The following SHISA9 variants were observed in gnomAD, a reference collection of about 807,000 sequenced individuals.
The protein encoded by SHISA9 is shisa family member 9, also known as protein shisa-9.
Under a neutral mutation model 38.0 loss-of-function variants are expected in SHISA9, and 13 were observed. The observed-to-expected ratio is 0.34, with a 90% CI of 0.22 to 0.54. The LOEUF (loss-of-function observed/expected upper bound fraction) is 0.54, where lower values mean the gene tolerates loss of function less well. Among genes scored for constraint, SHISA9 ranks in the 20% least tolerant of loss-of-function variants. The pLI, the probability that SHISA9 is intolerant of heterozygous loss-of-function variation, is 0.91. For missense variants in SHISA9, 538 were observed against 575.8 expected (o/e 0.93, Z 0.67); for synonymous variants, 275 against 242.0 (o/e 1.14, Z -1.27).
At chr16:12,916,572 G>A in intron 1 of SHISA9, 116 bp from the exon 2 acceptor site, 1 of 1,232,772 alleles carries the variant, frequency 8.1e-7, no homozygotes, top group Non-Finnish European at 1.1e-6. Context: ...TAACTAGAAT[G>A]GTGGCTCCAT....
chr16:12,998,088 A>G (rs1434099766), intron 2 of SHISA9, among the ~76,000 whole-genome samples: 1 of 152,222 alleles, frequency 6.6e-6, no homozygotes, highest in Non-Finnish European at 1.5e-5. Flanking sequence ...AGTAATGCTC[A>G]GTACATATTT....
chr16:13,449,467 G>A, the SHISA9 span, among the ~76,000 whole-genome samples: 7 of 152,136 alleles, frequency 4.6e-5, no homozygotes, highest in Admixed American at 2.0e-4. Flanking sequence ...GCTATTGATT[G>A]GAAAGGAGCA....
chr16:13,261,144 G>A, the SHISA9 span, among the ~76,000 whole-genome samples: 26 of 152,100 alleles, frequency 1.7e-4, no homozygotes, highest in East Asian at 3.9e-4. Flanking sequence ...AGATTTGGGC[G>A]GGGACACAAA....
the SHISA9 span, among the ~76,000 whole-genome samples, chr16:13,286,881 G>T: frequency 6.6e-6 from 1 of 152,098 alleles, no homozygotes; most frequent in Non-Finnish European, 1.5e-5. Context: ...GAATTTTTTT[G>T]TTTTTGTCTT....
chr16:13,479,566 T>C, the SHISA9 span, among the ~76,000 whole-genome samples: 1 of 152,118 alleles, frequency 6.6e-6, no homozygotes, highest in African/African-American at 2.4e-5. Flanking sequence ...GAACCCTCCA[T>C]TTCATCATGC....
chr16:12,955,554 T>C (rs984068917), intron 2 of SHISA9, among the ~76,000 whole-genome samples: 2 of 149,558 alleles, frequency 1.3e-5, no homozygotes, highest in African/African-American at 2.5e-5. Flanking sequence ...GGTACAAAAA[T>C]AGATACACAG....
At chr16:13,274,894 A>C in the SHISA9 span, among the ~76,000 whole-genome samples, 1 of 152,160 alleles carries the variant, frequency 6.6e-6, no homozygotes, top group African/African-American at 2.4e-5. Flanking sequence ...TCCTTTCGTC[A>C]AGCACAAATT....
chr16:13,442,747 A>G, the SHISA9 span, among the ~76,000 whole-genome samples: 2 of 152,216 alleles, frequency 1.3e-5, no homozygotes, highest in South Asian at 4.1e-4. Context: ...TGAGCCCCAG[A>G]GTCTGAGACC....
At chr16:13,159,998 G>A (rs902745611) in intron 2 of SHISA9, among the ~76,000 whole-genome samples, 3 of 152,334 alleles carry the variant, frequency 2.0e-5, no homozygotes, top group South Asian at 2.1e-4. Flanking sequence ...AGAGGAAAGC[G>A]AAAATAAACA....
chr16:13,117,244 G>A (rs2074039456), intron 2 of SHISA9, among the ~76,000 whole-genome samples: 1 of 152,096 alleles, frequency 6.6e-6, no homozygotes, highest in African/African-American at 2.4e-5. Flanking sequence ...CAAACTGCTG[G>A]GATTATGGGC....
At chr16:13,392,668 G>A in the SHISA9 span, among the ~76,000 whole-genome samples, 2 of 152,150 alleles carry the variant, frequency 1.3e-5, no homozygotes, top group African/African-American at 4.8e-5. Flanking sequence ...TGCGTTAAGA[G>A]GTTAAAGAAA....
intron 2 of SHISA9, 181 bp from the exon 3 acceptor site, chr16:13,203,213 G>C: frequency 2.2e-6 from 1 of 446,764 alleles, no homozygotes; most frequent in Non-Finnish European, 3.8e-6. Flanking sequence ...GTCCTCATTT[G>C]CTCTCCAGTG....
chr16:13,118,177 G>T, intron 2 of SHISA9, among the ~76,000 whole-genome samples: 1 of 134,102 alleles, frequency 7.5e-6, no homozygotes, highest in African/African-American at 2.9e-5. Flanking sequence ...GCGAGACTTC[G>T]TCTAAAAAAA....
chr16:13,478,503 C>T, the SHISA9 span, among the ~76,000 whole-genome samples: 4 of 152,086 alleles, frequency 2.6e-5, no homozygotes, highest in East Asian at 7.7e-4. Flanking sequence ...AGTTTACCCC[C>T]TAGAAACACT....
chr16:13,556,845 G>A, the SHISA9 span, among the ~76,000 whole-genome samples: 2 of 152,022 alleles, frequency 1.3e-5, no homozygotes, highest in African/African-American at 4.8e-5. Flanking sequence ...GACTTGTGTA[G>A]CATTTACATT....
the SHISA9 span, among the ~76,000 whole-genome samples, chr16:13,302,032 T>A: frequency 2.6e-5 from 4 of 152,212 alleles, no homozygotes; most frequent in East Asian, 7.7e-4. Context: ...ACACACTGAT[T>A]TTAAAGGATA....
chr16:13,043,665 C>CTGCA (rs2073156993), intron 2 of SHISA9, among the ~76,000 whole-genome samples: 3 of 152,234 alleles, frequency 2.0e-5, no homozygotes, highest in Admixed American at 2.0e-4. Flanking sequence ...ATCCTCAGAG[C>CTGCA]TGCATCCCTC....
At chr16:13,072,605 C>T (rs750576229) in intron 2 of SHISA9, among the ~76,000 whole-genome samples, 3 of 152,094 alleles carry the variant, frequency 2.0e-5, no homozygotes, top group Non-Finnish European at 4.4e-5. Context: ...CTTTCAAGAC[C>T]TATGATCAAG....
In SHISA9 at chr16:13,112,067, C is replaced by T. The variant is rs1048606827; in HGVS notation, c.692-91327C>T. 3.3e-5 allele frequency among the ~76,000 whole-genome samples: 5 copies of T among 152,260 alleles called. No homozygotes were observed. In the East Asian group the frequency reaches 7.7e-4, roughly 23 times the overall value. Reference sequence around the variant, plus strand: ...TCTAAAAATGACTCCAAAGGCCTTTCTATCTTATGCCCAGGTGGTCATACC... The same window carrying T: ...TCTAAAAATGACTCCAAAGGCCTTTTTATCTTATGCCCAGGTGGTCATACC... On this transcript the variant is annotated intron_variant, in intron 2 of 4. Coordinates refer to ENST00000558583, the MANE Select transcript of SHISA9 (RefSeq NM_001145204.3).
Sources: allele counts gnomAD v4.1 joint callset (sites outside exome capture counted in the v4.1 genomes callset), GRCh38; gene constraint gnomAD v4.1.1; transcripts MANE v1.5; gene names NCBI Gene and HGNC (gene_info 2026-07-23, HGNC 2026-07-21).